KCNT1: variants seen among roughly 807,000 people sequenced by gnomAD.
The protein encoded by KCNT1 is potassium sodium-activated channel subfamily T member 1, also known as potassium channel subfamily T member 1.
Under a neutral mutation model 147.8 loss-of-function variants are expected in KCNT1, and 78 were observed. That is an observed-to-expected ratio of 0.53 (90% CI 0.44 to 0.64). KCNT1 has a LOEUF of 0.64. Among genes scored for constraint, KCNT1 ranks in the 30% least tolerant of loss-of-function variants. The pLI, the probability that KCNT1 is intolerant of heterozygous loss-of-function variation, is 0.00. For synonymous variants in KCNT1, 867 were observed against 748.8 expected, an observed-to-expected ratio of 1.16 and a Z score of -2.58; for missense variants, 1,419 against 1,750.3, an observed-to-expected ratio of 0.81 and a Z score of 3.38.
At chr9:135,742,235 G>T (rs892705132) in intron 2 of KCNT1, among the ~76,000 whole-genome samples, 1 of 152,234 alleles carries the variant, frequency 6.6e-6, no homozygotes, top group Non-Finnish European at 1.5e-5. Context: ...TGGGTGTAGG[G>T]CAGGGGAGTG....
intron 1 of KCNT1, among the ~76,000 whole-genome samples, chr9:135,704,075 G>A (rs1324735098): frequency 6.6e-6 from 1 of 152,256 alleles, no homozygotes. Context: ...GGCCCAGGCA[G>A]GTGGCTTCAG....
At chr9:135,755,203 A>G in intron 6 of KCNT1, 34 bp downstream of exon 6, 1 of 1,582,838 alleles carries the variant, frequency 6.3e-7, no homozygotes, top group Non-Finnish European at 8.6e-7. Flanking sequence ...TCCCGACTGC[A>G]GTGGTGCTCA....
At chr9:135,776,695 G>T (rs1411490734) in intron 20 of KCNT1, among the ~76,000 whole-genome samples, 1 of 152,232 alleles carries the variant, frequency 6.6e-6, no homozygotes, top group African/African-American at 2.4e-5. Flanking sequence ...TATTCTGTGG[G>T]TTATAATCTG....
chr9:135,771,234 C>G, intron 18 of KCNT1, 139 bp downstream of exon 18: 1 of 761,142 alleles, frequency 1.3e-6, no homozygotes, highest in South Asian at 1.8e-5. Flanking sequence ...GGAGACCAGG[C>G]AGGACAGGGG....
chr9:135,736,735 C>A (rs967976864), intron 2 of KCNT1: 3 of 375,640 alleles, frequency 8.0e-6, no homozygotes, highest in African/African-American at 6.3e-5. Context: ...CGGGCTCAGC[C>A]CGCTGCTGCC....
At chr9:135,788,952 G>T (rs1359138044) in intron 29 of KCNT1, 1 of 152,252 alleles carries the variant, frequency 6.6e-6, no homozygotes, top group African/African-American at 2.4e-5. Context: ...GCCAGGACGG[G>T]TGTTAGCTCG....
At chr9:135,749,948 G>A in intron 2 of KCNT1, 150 bp from the exon 3 acceptor site, 1 of 656,296 alleles carries the variant, frequency 1.5e-6, no homozygotes. Context: ...TCCTGGGTCT[G>A]AGGTGGAGGG....
At chr9:135,754,268 A>G (rs1831355096) in intron 5 of KCNT1, among the ~76,000 whole-genome samples, 1 of 152,234 alleles carries the variant, frequency 6.6e-6, no homozygotes, top group Non-Finnish European at 1.5e-5. Flanking sequence ...CCCAGGACAC[A>G]TGTGCCCTTA....
At chr9:135,774,110 TTGTC>T (rs1467008255) in intron 19 of KCNT1, among the ~76,000 whole-genome samples, 4 of 147,790 alleles carry the variant, frequency 2.7e-5, no homozygotes, top group Admixed American at 6.7e-5. Context: ...CAACGTGTGT[TTGTC>T]ACGTGTGGTG....
At chr9:135,719,374 T>C (rs1564317914) in intron 2 of KCNT1, among the ~76,000 whole-genome samples, 2 of 152,176 alleles carry the variant, frequency 1.3e-5, no homozygotes, top group East Asian at 3.9e-4. Context: ...CTCTGGTCTG[T>C]GGCAGTGGAG....
At chr9:135,788,344 G>T (rs1834230674) in intron 29 of KCNT1, among the ~76,000 whole-genome samples, 1 of 152,272 alleles carries the variant, frequency 6.6e-6, no homozygotes, top group Non-Finnish European at 1.5e-5. Flanking sequence ...GTGTCCCCTG[G>T]CTGGGCGTTG....
intron 2 of KCNT1, among the ~76,000 whole-genome samples, chr9:135,733,279 G>T (rs1355762763): frequency 4.6e-5 from 1 of 21,602 alleles, no homozygotes; most frequent in Non-Finnish European, 8.5e-5. Flanking sequence ...CCTCACACCT[G>T]CCCCCCACAC....
chr9:135,779,566 C>T lies in KCNT1; in HGVS notation c.2841+96C>T, dbSNP rs1290808354. On this transcript the variant is annotated intron_variant, in intron 24 of 30. Coordinates refer to ENST00000371757, the MANE Select transcript of KCNT1 (RefSeq NM_020822.3). ...GAAAGGGGGCCAGTGCCATGGGAGGCTGGGCTCCTGCCGCCCTCCTGCTGG... is the reference window on the plus strand; with the variant it reads ...GAAAGGGGGCCAGTGCCATGGGAGGTTGGGCTCCTGCCGCCCTCCTGCTGG... 5.4e-6 allele frequency: 5 copies of T among 921,000 alleles called. No individual in the cohort carries two copies. The African/African-American group carries it at 6.5e-5, about 12-fold the overall frequency. The allele number at this position is 921,000 out of a possible 1,614,324, so 57.1% of individuals were successfully genotyped here. A position where few individuals can be genotyped will look rare whatever the true frequency, so the allele number is the denominator to read the frequency against.
chr9:135,728,130 G>A (rs1247241443), intron 2 of KCNT1, among the ~76,000 whole-genome samples: 4 of 152,308 alleles, frequency 2.6e-5, no homozygotes, highest in Non-Finnish European at 4.4e-5. Flanking sequence ...TGTGGCCACC[G>A]CCGAGGGGTG....
Position 135,778,841 on chromosome 9 carries a change from G to A in KCNT1, c.2729+19G>A, listed in dbSNP as rs369987473. On this transcript the variant is annotated intron_variant, in intron 23 of 30. Coordinates refer to ENST00000371757, the MANE Select transcript of KCNT1 (RefSeq NM_020822.3). ...TGTTCCGGTGCGTCCAGTGTCCGGGGCTCGGCTCTAAACCACCCCACAGCC... is the reference window on the plus strand; with the variant it reads ...TGTTCCGGTGCGTCCAGTGTCCGGGACTCGGCTCTAAACCACCCCACAGCC... 41 of 1,612,668 alleles carry A rather than the reference G, an allele frequency of 2.5e-5. No homozygotes were observed. In the East Asian group the frequency reaches 7.6e-4, roughly 30 times the overall value.
rs770294076 is a variant in KCNT1 at position 135,775,333 on chromosome 9, A to G, written c.2267A>G (p.Asn756Ser). ...AGGTATGTGAAGGGCTACCCTCCCA[A>G]CTCGCCCTACATCGGCAGCTCCCCA... ...VVEYVKGYPP[N>S]SPYIGSSPTL... is the part of the protein sequence containing the mutation. The change falls in exon 20 of 31, where the codon AAC (asparagine) becomes AGC (serine). Residue 756 changes from asparagine (N) to serine (S), a missense_variant. Coordinates refer to ENST00000371757, the MANE Select transcript of KCNT1 (RefSeq NM_020822.3). 2 of 1,607,320 alleles carry G rather than the reference A, an allele frequency of 1.2e-6. No homozygotes were observed. The highest frequency in any genetic ancestry group is 3.4e-5 in the Admixed American group (2 of 58,986).
chr9:135,768,280 GCACA>G (rs1832462723), intron 13 of KCNT1, among the ~76,000 whole-genome samples: 1 of 45,926 alleles, frequency 2.2e-5, no homozygotes, highest in African/African-American at 7.1e-5. Flanking sequence ...GGTGGGGGGG[GCACA>G]GGGATGCCTG....
At chr9:135,766,998 G>A (rs1393019314) in intron 13 of KCNT1, among the ~76,000 whole-genome samples, 4 of 152,154 alleles carry the variant, frequency 2.6e-5, no homozygotes, top group African/African-American at 9.7e-5. Context: ...GGTAACAAGA[G>A]TATATTATTA....
At chr9:135,777,575 C>T in intron 21 of KCNT1, 65 bp downstream of exon 21, 11 of 1,498,296 alleles carry the variant, frequency 7.3e-6, no homozygotes, top group Non-Finnish European at 1.0e-5. Flanking sequence ...CCAGCAGCCT[C>T]CCCAACTGGG....
Sources: gnomAD v4.1 joint callset for allele counts (sites outside exome capture counted in the v4.1 genomes callset) on GRCh38, gnomAD v4.1.1 for gene constraint, MANE v1.5 for transcripts, NCBI Gene and HGNC (gene_info 2026-07-23, HGNC 2026-07-21) for gene names.